STX6: variants seen among roughly 807,000 people sequenced by gnomAD.
STX6 encodes the protein syntaxin 6, also known as syntaxin-6.
Under a neutral mutation model 38.0 loss-of-function variants are expected in STX6, and 23 were observed. That is an observed-to-expected ratio of 0.60 (90% CI 0.43 to 0.86). STX6 has a LOEUF of 0.86. Ranked by LOEUF, STX6 falls within the 40% of genes least tolerant of loss-of-function variation. The pLI, the probability that STX6 is intolerant of heterozygous loss-of-function variation, is 0.00. For missense variants in STX6, 274 were observed against 312.9 expected, an observed-to-expected ratio of 0.88 and a Z score of 0.94; for synonymous variants, 123 against 107.5, an observed-to-expected ratio of 1.14 and a Z score of -0.89.
In STX6 at chr1:181,022,511, C is replaced by T. The variant is rs1656768138; in HGVS notation, c.35+128G>A. The T allele has an allele frequency of 7.6e-6, 7 of 918,376 alleles. No individual in the cohort carries two copies. The South Asian group carries it at 1.0e-4, about 14-fold the overall frequency. 56.9% of individuals were successfully genotyped at this position (918,376 alleles called of 1,614,324 possible). A position where few individuals can be genotyped will look rare whatever the true frequency, so the allele number is the denominator to read the frequency against. ...CTTGGTCATGGCCCTCAAGACTAAG[C>T]CGTCTCCACTGTTCCCCCTCCCCAG... On this transcript the variant is annotated intron_variant, in intron 1 of 7. Coordinates refer to ENST00000258301, the MANE Select transcript of STX6 (RefSeq NM_005819.6).
chr1:181,010,406 A>G (rs1656357192), intron 1 of STX6, among the ~76,000 whole-genome samples: 2 of 151,876 alleles, frequency 1.3e-5, no homozygotes, highest in South Asian at 4.2e-4. Context: ...GGTTCAATCG[A>G]TTCTCCTGCC....
At chr1:181,019,901 G>A (rs1656675983) in intron 1 of STX6, among the ~76,000 whole-genome samples, 1 of 152,158 alleles carries the variant, frequency 6.6e-6, no homozygotes, top group Non-Finnish European at 1.5e-5. Flanking sequence ...GGTGGCTCAC[G>A]CCTGTAATCA....
intron 3 of STX6, among the ~76,000 whole-genome samples, chr1:180,997,508 GAT>G (rs1655946827): frequency 1.3e-5 from 2 of 152,138 alleles, no homozygotes; most frequent in African/African-American, 4.8e-5. Context: ...TCTGAATTGA[GAT>G]ATGCTTGAGT....
At chr1:181,020,925 T>A (rs534722593) in intron 1 of STX6, among the ~76,000 whole-genome samples, 2 of 152,350 alleles carry the variant, frequency 1.3e-5, no homozygotes, top group Non-Finnish European at 2.9e-5. Context: ...AAAATCTGGA[T>A]ACACCTTCAT....
At chr1:180,998,255 T>C (rs1303277094) in intron 3 of STX6, among the ~76,000 whole-genome samples, 1 of 152,246 alleles carries the variant, frequency 6.6e-6, no homozygotes, top group Non-Finnish European at 1.5e-5. Flanking sequence ...CATGTGGGGT[T>C]ATGTGTGTGC....
chr1:181,013,464 G>C (rs1297202296), intron 1 of STX6, among the ~76,000 whole-genome samples: 2 of 152,152 alleles, frequency 1.3e-5, no homozygotes, highest in African/African-American at 4.8e-5. Context: ...GACTACAGGT[G>C]CACACTACCA....
intron 1 of STX6, among the ~76,000 whole-genome samples, chr1:181,006,217 C>A (rs1417411183): frequency 6.6e-6 from 1 of 151,940 alleles, no homozygotes; most frequent in Non-Finnish European, 1.5e-5. Flanking sequence ...TGCCCGCCAC[C>A]ACGCCTGGCT....
At chr1:180,984,075 A>AAC (rs1553263799) in intron 7 of STX6, among the ~76,000 whole-genome samples, 26 of 147,782 alleles carry the variant, frequency 1.8e-4, no homozygotes, top group African/African-American at 6.0e-4. Flanking sequence ...AAAAAAAAAA[A>AAC]AAAAAAAAAA....
intron 1 of STX6, among the ~76,000 whole-genome samples, chr1:181,016,333 C>A (rs978897964): frequency 6.6e-6 from 1 of 152,320 alleles, no homozygotes; most frequent in African/African-American, 2.4e-5. Context: ...GACCAGCATT[C>A]CCAGCATGGG....
At chr1:181,004,567 T>C (rs527357944) in intron 2 of STX6, among the ~76,000 whole-genome samples, 1 of 151,990 alleles carries the variant, frequency 6.6e-6, no homozygotes, top group Non-Finnish European at 1.5e-5. Flanking sequence ...CATGTGGAGG[T>C]TCCTGGAGGC....
chr1:181,008,938 G>C (rs931299358), intron 1 of STX6, among the ~76,000 whole-genome samples: 1 of 151,886 alleles, frequency 6.6e-6, no homozygotes, highest in African/African-American at 2.4e-5. Context: ...GATTTTGCTC[G>C]GGGCGGGGGG....
chr1:180,988,452 A>ATT, intron 5 of STX6, 107 bp from the exon 6 acceptor site: 1 of 782,094 alleles, frequency 1.3e-6, no homozygotes. Context: ...GACAATTCAC[A>ATT]TTCAGAAGCA....
chr1:180,997,520 T>A (rs1424027426), intron 3 of STX6, among the ~76,000 whole-genome samples: 1 of 152,236 alleles, frequency 6.6e-6, no homozygotes, highest in African/African-American at 2.4e-5. Context: ...TATGCTTGAG[T>A]GTAAAATACA....
chr1:181,021,500 CTA>C (rs1656725548), intron 1 of STX6, among the ~76,000 whole-genome samples: 1 of 152,166 alleles, frequency 6.6e-6, no homozygotes, highest in Non-Finnish European at 1.5e-5. Context: ...CAACACTTGA[CTA>C]TACAACGGCC....
At chr1:181,008,727 G>GTTTC in intron 1 of STX6, among the ~76,000 whole-genome samples, 1 of 108,728 alleles carries the variant, frequency 9.2e-6, no homozygotes, top group Non-Finnish European at 1.8e-5. Context: ...TTCCAAAATT[G>GTTTC]TTTTTTTTTT....
rs1010431811 is a variant in STX6, at chr1:180,974,250, G to C, written c.*2320C>G. 1 of 152,226 alleles carries C rather than the reference G, an allele frequency of 6.6e-6. No homozygotes were observed. The highest frequency in any genetic ancestry group is 6.5e-5 in the Admixed American group (1 of 15,288). 9.4% of individuals were successfully genotyped at this position (152,226 alleles called of 1,614,324 possible). On this transcript the variant is annotated 3_prime_UTR_variant, in exon 8 of 8. Coordinates refer to ENST00000258301, the MANE Select transcript of STX6 (RefSeq NM_005819.6). The stretch of plus-strand genomic sequence containing the variant: ...TCAGACACAGGATCAAATCAGCCAG[G>C]GGCAGAAGGGCATGGTGGCCCTACG...
At chr1:180,981,279 C>T (rs1246461023) in intron 7 of STX6, among the ~76,000 whole-genome samples, 1 of 151,928 alleles carries the variant, frequency 6.6e-6, no homozygotes, top group African/African-American at 2.4e-5. Flanking sequence ...GGGAAGGGGG[C>T]TATATGGGAA....
Position 181,002,658 on chromosome 1 carries a change from G to C in STX6, c.248C>G (p.Thr83Ser), listed in dbSNP as rs1189279350. Reference sequence around the variant, plus strand: ...GAAGGCTTTTCTTATACTCAATTCAGTTGCATCAAGGTTAAATTTTCTAGG... The same window carrying C: ...GAAGGCTTTTCTTATACTCAATTCACTTGCATCAAGGTTAAATTTTCTAGG... ...ANPRKFNLDA[T>S]ELSIRKAFIT... Residue 83 changes from threonine to serine, a missense_variant, in exon 3 of 8, where the codon ACT becomes AGT. Physicochemically the swap from Thr to Ser is moderately conservative, Grantham distance 58. Transcript: ENST00000258301. 6.2e-7 allele frequency: 1 copy of C among 1,613,596 alleles called. No individual in the cohort carries two copies. Among genetic ancestry groups the C allele is most frequent in the African/African-American group, 1.3e-5 (1 of 74,868 alleles).
At chr1:181,001,009 C>T (rs746600676) in intron 3 of STX6, among the ~76,000 whole-genome samples, 1 of 152,060 alleles carries the variant, frequency 6.6e-6, no homozygotes, top group Admixed American at 6.6e-5. Flanking sequence ...ATGTCCAATC[C>T]AAACACTCAC....
Sources: gnomAD v4.1 joint callset for allele counts (sites outside exome capture counted in the v4.1 genomes callset) on GRCh38, gnomAD v4.1.1 for gene constraint, MANE v1.5 for transcripts, NCBI Gene and HGNC (gene_info 2026-07-23, HGNC 2026-07-21) for gene names.